Variants in PEBP4 observed in about 807,000 individuals in gnomAD.
PEBP4 encodes the protein phosphatidylethanolamine binding protein 4.
Under a neutral mutation model 23.9 loss-of-function variants are expected in PEBP4, and 22 were observed. The ratio of observed to expected loss-of-function variants is 0.92; its 90% CI spans 0.66 to 1.31. The LOEUF is 1.31. Among genes scored for constraint, PEBP4 ranks in the 40% most tolerant of loss-of-function variants. The pLI, the probability that PEBP4 is intolerant of heterozygous loss-of-function variation, is 0.00. For synonymous variants in PEBP4, 112 were observed against 99.3 expected (o/e 1.13, Z -0.76); for missense variants, 324 against 281.7 (o/e 1.15, Z -1.07).
chr8:22,798,716 CTTTT>C (rs1563219819), intron 4 of PEBP4: 1 of 68,978 alleles, frequency 1.4e-5, no homozygotes, highest in Non-Finnish European at 2.9e-5. Context: ...ATTTTTTTTT[CTTTT>C]CTTTTTTCTT....
At chr8:22,851,493 T>C (rs1807549324) in intron 3 of PEBP4, among the ~76,000 whole-genome samples, 1 of 152,052 alleles carries the variant, frequency 6.6e-6, no homozygotes, top group Non-Finnish European at 1.5e-5. Context: ...AACCTTATTA[T>C]AGGACAGAGA....
intron 6 of PEBP4, among the ~76,000 whole-genome samples, chr8:22,722,182 TA>T (rs5890069): frequency 0.37 from 54,776 of 148,430 alleles, 10,651 homozygotes; most frequent in African/African-American, 0.5. Flanking sequence ...TTTTCTCACT[TA>T]AAAAAAAAAA....
In PEBP4 at chr8:22,933,020, AG is replaced by A. The variant is rs1809482735; in HGVS notation, c.145-5301del. 4.7e-5 allele frequency among the ~76,000 whole-genome samples: 7 copies of A among 148,606 alleles called. No individual in the cohort carries two copies. The South Asian group carries it at 1.5e-3, about 32-fold the overall frequency. ...ACTCCGTCTCCAAAAAAAAAAAAAA[AG>A]GTTGGAAATTTCATTTTCTTTCTAC... On this transcript the variant is annotated intron_variant, in intron 1 of 1. Transcript: ENST00000522278.
chr8:22,908,034 G>A (rs1278184856), intron 3 of PEBP4, among the ~76,000 whole-genome samples: 1 of 151,530 alleles, frequency 6.6e-6, no homozygotes, highest in Non-Finnish European at 1.5e-5. Flanking sequence ...AAGAGATACT[G>A]ATGACTCCAA....
intron 3 of PEBP4, among the ~76,000 whole-genome samples, chr8:22,912,653 T>C (rs1301821983): frequency 6.6e-6 from 1 of 152,238 alleles, no homozygotes; most frequent in Non-Finnish European, 1.5e-5. Context: ...GGATCTGTCC[T>C]GTGAAGTCCT....
intron 4 of PEBP4, among the ~76,000 whole-genome samples, chr8:22,732,238 C>T (rs898587689): frequency 2.6e-5 from 4 of 152,072 alleles, no homozygotes; most frequent in Admixed American, 1.3e-4. Flanking sequence ...ACCCATGACT[C>T]TCCTAGCAAG....
intron 3 of PEBP4, among the ~76,000 whole-genome samples, chr8:22,832,078 G>A (rs1807094798): frequency 6.6e-6 from 1 of 152,174 alleles, no homozygotes; most frequent in South Asian, 2.1e-4. Context: ...GCCAGTGGGG[G>A]CTAGCAGACC....
chr8:22,726,510 CT>C (rs1563195574), intron 5 of PEBP4, among the ~76,000 whole-genome samples: 1 of 152,252 alleles, frequency 6.6e-6, no homozygotes, highest in Non-Finnish European at 1.5e-5. Flanking sequence ...CAAGAATCCC[CT>C]CTTCAAAACC....
chr8:22,870,745 CA>C (rs1807991114), intron 3 of PEBP4, among the ~76,000 whole-genome samples: 1 of 152,016 alleles, frequency 6.6e-6, no homozygotes, highest in African/African-American at 2.4e-5. Flanking sequence ...TGCTGGGGAC[CA>C]AAAACTGCTC....
intron 3 of PEBP4, among the ~76,000 whole-genome samples, chr8:22,866,030 CG>C (rs1297336545): frequency 6.6e-6 from 1 of 152,220 alleles, no homozygotes; most frequent in Non-Finnish European, 1.5e-5. Context: ...AGGGCGTCAT[CG>C]GCTCCACGCC....
chr8:22,817,740 A>T lies in PEBP4; in HGVS notation c.259-5T>A. On this transcript the variant is annotated splice_region_variant and splice_polypyrimidine_tract_variant and intron_variant, in intron 3 of 6. Coordinates refer to ENST00000256404, the MANE Select transcript of PEBP4 (RefSeq NM_144962.3). Reference sequence around the variant, plus strand: ...CACCAGGATATAGGTTGCGCCCTGTAACACATGTACCGAAAAGTAATGTAG... The same window carrying T: ...CACCAGGATATAGGTTGCGCCCTGTTACACATGTACCGAAAAGTAATGTAG... 4 of 1,613,472 alleles carry T rather than the reference A, an allele frequency of 2.5e-6. No homozygotes were observed. The highest frequency in any genetic ancestry group is 3.4e-6 in the Non-Finnish European group (4 of 1,179,464).
chr8:22,791,728 TATTTA>T lies in PEBP4; in HGVS notation c.357+25904_357+25908del, dbSNP rs1432346271. Among the ~76,000 whole-genome samples, 8 of 152,376 alleles carry T rather than the reference TATTTA, an allele frequency of 5.3e-5. No individual in the cohort carries two copies. The East Asian group carries it at 7.7e-4, about 15-fold the overall frequency. Reference sequence around the variant, plus strand: ...CTAGAAGCCAATATTTAAGTTATCATATTTAATTTATTCAACAAACATTTAATAAG... The same window carrying T: ...CTAGAAGCCAATATTTAAGTTATCATATTTATTCAACAAACATTTAATAAG... On this transcript the variant is annotated intron_variant, in intron 4 of 6. Coordinates refer to ENST00000256404, the MANE Select transcript of PEBP4 (RefSeq NM_144962.3).
intron 4 of PEBP4, among the ~76,000 whole-genome samples, chr8:22,772,890 A>C (rs1386774163): frequency 1.3e-5 from 2 of 152,194 alleles, no homozygotes; most frequent in Non-Finnish European, 2.9e-5. Flanking sequence ...GGCAGCCTCC[A>C]CCAGAACCCA....
chr8:22,879,201 A>T (rs1465649369), intron 3 of PEBP4: 3 of 152,204 alleles, frequency 2.0e-5, no homozygotes, highest in South Asian at 2.1e-4. Flanking sequence ...ACAGAACGAG[A>T]GTGTGGCCTC....
rs3060706 is a variant in PEBP4, at chr8:22,830,113, T to TTGTGTGTGTGTGTG, written c.259-12392_259-12379dup. 8.7e-3 allele frequency among the ~76,000 whole-genome samples: 1,248 copies of TTGTGTGTGTGTGTG among 144,222 alleles called. 17 individuals are homozygous for TTGTGTGTGTGTGTG. Among genetic ancestry groups the TTGTGTGTGTGTGTG allele is most frequent in the African/African-American group, 0.028 (1,057 of 38,152 alleles). 94.6% of individuals were successfully genotyped at this position (144,222 alleles called of 152,430 possible). On this transcript the variant is annotated intron_variant, in intron 3 of 6. Coordinates refer to ENST00000256404, the MANE Select transcript of PEBP4 (RefSeq NM_144962.3). ...CACTGCTGGGTCCTAGGCTGTGGTT[T>TTGTGTGTGTGTGTG]TGTGTGTGTGTGTGTGTGTGTGTGT... is the stretch of plus-strand genomic sequence containing the variant.
At chr8:22,772,948 C>T (rs1805744713) in intron 4 of PEBP4, among the ~76,000 whole-genome samples, 1 of 152,148 alleles carries the variant, frequency 6.6e-6, no homozygotes, top group Non-Finnish European at 1.5e-5. Flanking sequence ...GAGCTGGGCT[C>T]TCATAGCTAA....
chr8:22,878,225 A>AGAGGGAGGGGGAGAGG (rs1554493714), intron 3 of PEBP4: 29 of 126,110 alleles, frequency 2.3e-4, no homozygotes, highest in Admixed American at 4.5e-4. Context: ...AGGGAGGGGG[A>AGAGGGAGGGGGAGAGG]GAGGGAGGGA....
rs761722562 is a variant in PEBP4, at chr8:22,940,490, C to CTTTTTTTTTTTT, written c.145-12782_145-12771dup. Among the ~76,000 whole-genome samples the CTTTTTTTTTTTT allele has an allele frequency of 2.8e-4, 31 of 110,018 alleles. 4 individuals are homozygous for CTTTTTTTTTTTT. Among genetic ancestry groups the CTTTTTTTTTTTT allele is most frequent in the East Asian group, 4.9e-4 (2 of 4,094 alleles). 72.2% of individuals were successfully genotyped at this position (110,018 alleles called of 152,430 possible). ...AACACCACCTTTACCATGAATTTCT[C>CTTTTTTTTTTTT]TTTTTTTTTTTTTTTCGAGACGGAG... On this transcript the variant is annotated intron_variant, in intron 1 of 1. Coordinates refer to the PEBP4 transcript ENST00000522278.
At chr8:22,824,330 C>T (rs145372869) in intron 3 of PEBP4, among the ~76,000 whole-genome samples, 5 of 152,198 alleles carry the variant, frequency 3.3e-5, no homozygotes, top group African/African-American at 1.2e-4. Context: ...TAAACAATAG[C>T]CAAGGGAAGT....
Sources: gnomAD v4.1 joint callset for allele counts (sites outside exome capture counted in the v4.1 genomes callset) on GRCh38, gnomAD v4.1.1 for gene constraint, MANE v1.5 for transcripts, NCBI Gene and HGNC (gene_info 2026-07-23, HGNC 2026-07-21) for gene names.